AGAP1: variants seen among roughly 807,000 people sequenced by gnomAD.
AGAP1 encodes ArfGAP with GTPase domain, ankyrin repeat and PH domain 1.
AGAP1 carries 29 observed loss-of-function variants against 105.3 expected under a neutral mutation model. The ratio of observed to expected loss-of-function variants is 0.28; its 90% CI spans 0.21 to 0.38. AGAP1 has a LOEUF of 0.38. AGAP1 is among the 10% of genes least tolerant of loss of function. The pLI is 1.00. For synonymous variants in AGAP1, 509 were observed against 485.9 expected, an observed-to-expected ratio of 1.05 and a Z score of -0.63; for missense variants, 998 against 1,165.1, an observed-to-expected ratio of 0.86 and a Z score of 2.09.
At chr2:235,594,625 T>C (rs1289686635) in intron 1 of AGAP1, among the ~76,000 whole-genome samples, 1 of 152,078 alleles carries the variant, frequency 6.6e-6, no homozygotes, top group African/African-American at 2.4e-5. Context: ...CCCAGGCTGG[T>C]GTGCAGTGAT....
rs187332897 is a variant in AGAP1, at chr2:235,655,397, T to G, written c.164-53782T>G. 1.2e-4 allele frequency among the ~76,000 whole-genome samples: 18 copies of G among 152,300 alleles called. No homozygotes were observed. Among genetic ancestry groups the G allele is most frequent in the African/African-American group, 3.6e-4 (15 of 41,560 alleles). ...TGGCCTGAATTCCTTTCTAGGTAAT[T>G]TCAATGTTGGTCATGCCCAGGGATC... is the stretch of plus-strand genomic sequence containing the variant. On this transcript the variant is annotated intron_variant, in intron 1 of 17. Transcript: ENST00000304032. The surrounding 1 kb of genome is among the most constrained non-coding windows in gnomAD (Gnocchi z 4.3).
intron 9 of AGAP1, among the ~76,000 whole-genome samples, chr2:235,853,488 C>T (rs1311202705): frequency 6.6e-6 from 1 of 152,168 alleles, no homozygotes; most frequent in Non-Finnish European, 1.5e-5. Context: ...CTTTCTTTTC[C>T]TCTTCTACAG....
rs79658730 is a variant in AGAP1 at position 236,044,894 on chromosome 2, T to C, written c.1891+4053T>C. ...GGGCGGGGGCAGGGGCGGGTTGAGA[T>C]GGGGTCTCGCCCTATAGCCCAGGAT... On this transcript the variant is annotated intron_variant, in intron 15 of 17. Transcript: ENST00000304032. The surrounding 1 kb of genome is among the most constrained non-coding windows in gnomAD (Gnocchi z 5.7). Among the ~76,000 whole-genome samples, 9,319 of 152,092 alleles carry C rather than the reference T, an allele frequency of 0.061. 413 individuals are homozygous for C. The highest frequency in any genetic ancestry group is 0.21 in the East Asian group (1,079 of 5,124).
intron 16 of AGAP1, among the ~76,000 whole-genome samples, chr2:236,093,491 A>G (rs2059116262): frequency 6.6e-6 from 1 of 150,714 alleles, no homozygotes; most frequent in Admixed American, 6.6e-5. Context: ...TCGGACAAAC[A>G]CAATTGGGGG....
intron 1 of AGAP1, among the ~76,000 whole-genome samples, chr2:235,562,933 G>T (rs1054523232): frequency 6.6e-6 from 1 of 152,092 alleles, no homozygotes; most frequent in African/African-American, 2.4e-5. Flanking sequence ...GGTGGTGTGC[G>T]CCTGTAGTCC....
intron 1 of AGAP1, among the ~76,000 whole-genome samples, chr2:235,667,906 C>T (rs866010498): frequency 2.9e-5 from 4 of 138,714 alleles, no homozygotes; most frequent in South Asian, 2.2e-4. Flanking sequence ...TTGCAGGAGC[C>T]GAGATCGTGC....
At chr2:235,686,297 T>A (rs571335348) in intron 1 of AGAP1, among the ~76,000 whole-genome samples, 7 of 152,184 alleles carry the variant, frequency 4.6e-5, no homozygotes, top group Non-Finnish European at 8.8e-5. Flanking sequence ...GCGATAGGAA[T>A]GAACACTTTG....
intron 1 of AGAP1, among the ~76,000 whole-genome samples, chr2:235,502,725 G>A (rs1343294402): frequency 7.0e-6 from 1 of 142,712 alleles, no homozygotes; most frequent in Non-Finnish European, 1.5e-5. Context: ...TTTTTTTAAG[G>A]GTGGGAAAAC....
At chr2:235,641,084 G>T (rs528314482) in intron 1 of AGAP1, among the ~76,000 whole-genome samples, 5 of 152,128 alleles carry the variant, frequency 3.3e-5, no homozygotes, top group Non-Finnish European at 7.4e-5. Context: ...GTTTAACTCA[G>T]GTTGTGATTA....
rs34576824 is a variant in AGAP1, at chr2:235,891,990, C to G, written c.1155+8541C>G. Among the ~76,000 whole-genome samples, 940 of 152,214 alleles carry G rather than the reference C, an allele frequency of 6.2e-3. 10 individuals carry two copies. Among genetic ancestry groups the G allele is most frequent in the African/African-American group, 0.022 (895 of 41,524 alleles). ...CCAATATGGTGAAACCCCATCTCTA[C>G]TAAAAATATAAAAACTAACCAGGTG... On this transcript the variant is annotated intron_variant, in intron 10 of 17. Coordinates refer to ENST00000304032, the MANE Select transcript of AGAP1 (RefSeq NM_001037131.3). The surrounding 1 kb of genome is among the most constrained non-coding windows in gnomAD (Gnocchi z 4.2).
intron 1 of AGAP1, among the ~76,000 whole-genome samples, chr2:235,572,849 C>G (rs1944574986): frequency 6.6e-6 from 1 of 152,162 alleles, no homozygotes; most frequent in Admixed American, 6.5e-5. Flanking sequence ...TGAACAGGAC[C>G]AGCTCGGCTG....
rs1439797027 is a variant in AGAP1, at chr2:235,714,795, G to T, written c.223-2762G>T. ...TATATGTTTGTTTGTTTTCTTTTTT[G>T]TTGTTGTTTTTGTTTTGTTTTGAGA... On this transcript the variant is annotated intron_variant, in intron 2 of 17. Transcript: ENST00000304032. The surrounding 1 kb of genome is among the most constrained non-coding windows in gnomAD (Gnocchi z 4.1). 2.6e-5 allele frequency among the ~76,000 whole-genome samples: 4 copies of T among 151,972 alleles called. No homozygotes were observed. The highest frequency in any genetic ancestry group is 5.9e-5 in the Non-Finnish European group (4 of 67,966).
chr2:236,093,733 A>G (rs2059122195), intron 16 of AGAP1, among the ~76,000 whole-genome samples: 1 of 152,184 alleles, frequency 6.6e-6, no homozygotes, highest in South Asian at 2.1e-4. Flanking sequence ...AGTCATAATC[A>G]TGAAAAACAC....
intron 1 of AGAP1, among the ~76,000 whole-genome samples, chr2:235,694,889 TG>T (rs984915431): frequency 2.0e-5 from 3 of 152,172 alleles, no homozygotes; most frequent in Non-Finnish European, 4.4e-5. Context: ...CCAGGATGCA[TG>T]GGGGGTTCCG....
chr2:235,728,301 C>CTGTGTGTGTGTGTGTG lies in AGAP1; in HGVS notation c.310+10668_310+10683dup, dbSNP rs143714801. On this transcript the variant is annotated intron_variant, in intron 3 of 17. Transcript: ENST00000304032. This position sits in a 1 kb window ranked among gnomAD's most constrained non-coding sequence, Gnocchi z 4.3. ...ATCTGAAAAGGACTGGGCCCAGACT[C>CTGTGTGTGTGTGTGTG]TGTGTGTGTGTGTGTGTGTGTGTGT... 4.4e-4 allele frequency among the ~76,000 whole-genome samples: 65 copies of CTGTGTGTGTGTGTGTG among 148,622 alleles called. 1 individual carries two copies. Among genetic ancestry groups the CTGTGTGTGTGTGTGTG allele is most frequent in the African/African-American group, 1.6e-3 (64 of 40,268 alleles).
intron 16 of AGAP1, among the ~76,000 whole-genome samples, chr2:236,068,797 CAA>C (rs35724496): frequency 0.024 from 1,368 of 57,548 alleles, 22 homozygotes; most frequent in African/African-American, 0.082. Flanking sequence ...GACTCCGTCT[CAA>C]AAAAAAAAAA....
chr2:235,755,033 C>T (rs1312417427), intron 6 of AGAP1, among the ~76,000 whole-genome samples: 1 of 152,074 alleles, frequency 6.6e-6, no homozygotes, highest in Non-Finnish European at 1.5e-5. Context: ...GCAGCTGAGC[C>T]GGACGTGGGC....
In AGAP1 at chr2:235,589,186, A is replaced by ATTTTTTTTTTTTTTTTTTTTTTTTT. The variant is rs1559270688; in HGVS notation, c.163+94339_163+94340insTTTTTTTTTTTTTTTTTTTTTTTTT. ...TTTGAGAACTACCAGTTAATAGCTT[A>ATTTTTTTTTTTTTTTTTTTTTTTTT]TTGTTTTGTTTTTTTTTTTTTTTTT... is the stretch of plus-strand genomic sequence containing the variant. On this transcript the variant is annotated intron_variant, in intron 1 of 17. Coordinates refer to ENST00000304032, the MANE Select transcript of AGAP1 (RefSeq NM_001037131.3). Among the ~76,000 whole-genome samples, 2 of 35,086 alleles carry ATTTTTTTTTTTTTTTTTTTTTTTTT rather than the reference A, an allele frequency of 5.7e-5. 1 individual carries two copies. The allele number at this position is 35,086 out of a possible 152,430, so 23.0% of individuals were successfully genotyped here. A position where few individuals can be genotyped will look rare whatever the true frequency, so the allele number is the denominator to read the frequency against.
intron 16 of AGAP1, among the ~76,000 whole-genome samples, chr2:236,064,718 T>C (rs2058298120): frequency 6.6e-6 from 1 of 152,216 alleles, no homozygotes; most frequent in Non-Finnish European, 1.5e-5. Context: ...AGCTGATTGC[T>C]GGTATCCTTT....
Sources: gnomAD v4.1 joint callset for allele counts (sites outside exome capture counted in the v4.1 genomes callset) on GRCh38, gnomAD v4.1.1 for gene constraint, Gnocchi (gnomAD v3.1) non-coding constraint, MANE v1.5 for transcripts, NCBI Gene and HGNC (gene_info 2026-07-23, HGNC 2026-07-21) for gene names.